Variants in DAB1 observed in about 807,000 individuals in gnomAD.
DAB1 encodes DAB adaptor protein 1, also known as disabled homolog 1.
In DAB1, 15 loss-of-function variants were observed where a neutral mutation model predicts 64.6. That is an observed-to-expected ratio of 0.23 (90% CI 0.16 to 0.36). The LOEUF is 0.36. DAB1 is among the 10% of genes least tolerant of loss of function. The probability of loss-of-function intolerance (pLI) is 1.00; values close to 1 mark genes in which losing one functional copy is unlikely to be tolerated. For missense variants in DAB1, 596 were observed against 706.7 expected, an observed-to-expected ratio of 0.84 and a Z score of 1.78; for synonymous variants, 235 against 251.9, an observed-to-expected ratio of 0.93 and a Z score of 0.64.
chr1:57,000,040 C>CT (rs397863684), intron 14 of DAB1, among the ~76,000 whole-genome samples: 8,922 of 112,476 alleles, frequency 0.079, 607 homozygotes, highest in East Asian at 0.13. Context: ...TTCCTTCTGC[C>CT]TTTTTTTTTT....
chr1:57,683,589 C>G (rs1490480209), intron 6 of DAB1, among the ~76,000 whole-genome samples: 1 of 152,160 alleles, frequency 6.6e-6, no homozygotes, highest in Admixed American at 6.5e-5. Context: ...TTGTACAGAG[C>G]CTTTGCCCTC....
intron 9 of DAB1, among the ~76,000 whole-genome samples, chr1:57,060,355 C>T (rs1171986594): frequency 6.6e-6 from 1 of 151,750 alleles, no homozygotes; most frequent in Non-Finnish European, 1.5e-5. Flanking sequence ...TTTCACCATG[C>T]TGGCCAGGCT....
intron 7 of DAB1, among the ~76,000 whole-genome samples, chr1:57,458,867 T>G (rs1686688998): frequency 6.6e-6 from 1 of 152,078 alleles, no homozygotes; most frequent in Non-Finnish European, 1.5e-5. Flanking sequence ...AATTGATGTT[T>G]AAAGACCAGA....
intron 5 of DAB1, among the ~76,000 whole-genome samples, chr1:58,130,905 T>C (rs1282790872): frequency 6.6e-6 from 1 of 151,692 alleles, no homozygotes; most frequent in African/African-American, 2.4e-5. Flanking sequence ...TTCCTTCATT[T>C]CCACTTTGGT....
intron 4 of DAB1, among the ~76,000 whole-genome samples, chr1:58,194,911 A>G (rs1657590898): frequency 6.6e-6 from 1 of 152,214 alleles, no homozygotes; most frequent in Admixed American, 6.5e-5. Context: ...ACCCGTGGCC[A>G]TACTAGTCTC....
chr1:58,399,181 C>T (rs1644549260), intron 3 of DAB1, among the ~76,000 whole-genome samples: 2 of 152,224 alleles, frequency 1.3e-5, no homozygotes, highest in Admixed American at 1.3e-4. Flanking sequence ...ATTCAGAGTA[C>T]TTAATTTACA....
At chr1:57,770,182 A>T (rs368573454) in intron 6 of DAB1, among the ~76,000 whole-genome samples, 1 of 152,174 alleles carries the variant, frequency 6.6e-6, no homozygotes, top group East Asian at 1.9e-4. Context: ...TGGTATACTA[A>T]TCTGTGCAGT....
At chr1:58,148,785 C>CCA (rs1553163513) in intron 5 of DAB1, among the ~76,000 whole-genome samples, 12 of 149,968 alleles carry the variant, frequency 8.0e-5, no homozygotes, top group Non-Finnish European at 8.9e-5. Flanking sequence ...ACCCCCCCCC[C>CCA]AACCTCATGA....
At chr1:57,815,222 C>T (rs1448434696) in intron 6 of DAB1, among the ~76,000 whole-genome samples, 1 of 152,018 alleles carries the variant, frequency 6.6e-6, no homozygotes, top group Non-Finnish European at 1.5e-5. Context: ...GCACCCGCCA[C>T]CACACCCGGC....
At chr1:57,285,336 T>C (rs1228108079) in intron 2 of DAB1, among the ~76,000 whole-genome samples, 2 of 152,284 alleles carry the variant, frequency 1.3e-5, no homozygotes, top group South Asian at 2.1e-4. Context: ...TGGCACAATC[T>C]CAGCTCACTG....
intron 5 of DAB1, among the ~76,000 whole-genome samples, chr1:57,922,745 C>T (rs4642905): frequency 6.8e-6 from 1 of 147,240 alleles, no homozygotes; most frequent in Admixed American, 7.1e-5. Flanking sequence ...ACTCGGGAAG[C>T]TGAGGCAGGA....
At chr1:57,881,762 A>G (rs1644147352) in intron 1 of DAB1, among the ~76,000 whole-genome samples, 1 of 152,150 alleles carries the variant, frequency 6.6e-6, no homozygotes, top group African/African-American at 2.4e-5. Flanking sequence ...TGTCAGGGAA[A>G]GATTTAACCA....
At chr1:58,222,082 G>A (rs1659201626) in intron 4 of DAB1, among the ~76,000 whole-genome samples, 1 of 152,196 alleles carries the variant, frequency 6.6e-6, no homozygotes, top group Non-Finnish European at 1.5e-5. Context: ...AAATGGTGAT[G>A]ACAAGAGTTA....
At chr1:58,268,028 G>A (rs1428575358) in intron 4 of DAB1, among the ~76,000 whole-genome samples, 4 of 152,166 alleles carry the variant, frequency 2.6e-5, no homozygotes, top group Non-Finnish European at 5.9e-5. Context: ...TCGCAGAGGA[G>A]AGTTGCATGC....
chr1:57,439,418 G>GTTTTTGTTTT (rs1685824286), intron 7 of DAB1, among the ~76,000 whole-genome samples: 1 of 116,140 alleles, frequency 8.6e-6, no homozygotes, highest in East Asian at 3.0e-4. Context: ...TGGTGATGAG[G>GTTTTTGTTTT]TTTTTTCTTT....
At chr1:57,712,114 G>A (rs1320810327) in intron 6 of DAB1, among the ~76,000 whole-genome samples, 3 of 151,928 alleles carry the variant, frequency 2.0e-5, no homozygotes, top group African/African-American at 7.3e-5. Context: ...TTTTAGTCAA[G>A]TACTATATGT....
At chr1:57,683,636 C>T (rs1231003810) in intron 6 of DAB1, among the ~76,000 whole-genome samples, 48 of 152,182 alleles carry the variant, frequency 3.2e-4, no homozygotes, top group Non-Finnish European at 1.0e-4. Context: ...TGACTATCCT[C>T]AACTTATGCC....
At chr1:58,051,055 T>G (rs181595831) in intron 5 of DAB1, among the ~76,000 whole-genome samples, 3 of 152,036 alleles carry the variant, frequency 2.0e-5, no homozygotes, top group African/African-American at 7.2e-5. Context: ...GAAATTTTTT[T>G]TATATATATA....
At chr1:57,088,190 C>A (rs1471361690) in intron 4 of DAB1, among the ~76,000 whole-genome samples, 1 of 152,190 alleles carries the variant, frequency 6.6e-6, no homozygotes, top group Non-Finnish European at 1.5e-5. Context: ...CATGCCTCAG[C>A]CTCCCGAATA....
Sources: allele counts gnomAD v4.1 joint callset (sites outside exome capture counted in the v4.1 genomes callset), GRCh38; gene constraint gnomAD v4.1.1; transcripts MANE v1.5; gene names NCBI Gene and HGNC (gene_info 2026-07-23, HGNC 2026-07-21).